PTPRD: variants seen among roughly 807,000 people sequenced by gnomAD.
PTPRD encodes the protein protein tyrosine phosphatase receptor type D, also known as receptor-type tyrosine-protein phosphatase delta.
A neutral mutation model predicts 214.5 loss-of-function variants in PTPRD; 34 were observed. The ratio of observed to expected loss-of-function variants is 0.16; its 90% CI spans 0.12 to 0.21. The LOEUF (loss-of-function observed/expected upper bound fraction) is 0.21. Ranked by LOEUF, PTPRD falls within the 10% of genes least tolerant of loss-of-function variation. The probability of loss-of-function intolerance (pLI) is 1.00; values close to 1 mark genes in which losing one functional copy is unlikely to be tolerated. For synonymous variants in PTPRD, 1,128 were observed against 845.7 expected, an observed-to-expected ratio of 1.33 and a Z score of -5.79; for missense variants, 2,545 against 2,398.7, an observed-to-expected ratio of 1.06 and a Z score of -1.27.
chr9:8,510,403 C>A (rs926786447), intron 21 of PTPRD, among the ~76,000 whole-genome samples: 1 of 152,160 alleles, frequency 6.6e-6, no homozygotes, highest in Non-Finnish European at 1.5e-5. Context: ...GGGCCTGGGG[C>A]CCGGTGGAGA....
At chr9:10,154,418 A>G (rs1267414195) in intron 3 of PTPRD, among the ~76,000 whole-genome samples, 1 of 151,968 alleles carries the variant, frequency 6.6e-6, no homozygotes, top group African/African-American at 2.4e-5. Context: ...TCTGTAGGTT[A>G]TCTGTTTATG....
At chr9:9,548,343 G>A (rs996990180) in intron 8 of PTPRD, among the ~76,000 whole-genome samples, 3 of 150,768 alleles carry the variant, frequency 2.0e-5, no homozygotes, top group African/African-American at 7.3e-5. Flanking sequence ...AAAGGGCAAA[G>A]ATTGCCAGAG....
At chr9:9,961,335 G>C (rs189336600) in intron 4 of PTPRD, among the ~76,000 whole-genome samples, 2 of 152,190 alleles carry the variant, frequency 1.3e-5, no homozygotes, top group East Asian at 1.9e-4. Flanking sequence ...CCTTGTTTGA[G>C]AAACAATAGG....
intron 11 of PTPRD, among the ~76,000 whole-genome samples, chr9:8,821,695 T>C (rs536067872): frequency 9.8e-4 from 150 of 152,328 alleles, no homozygotes; most frequent in African/African-American, 3.6e-3. Flanking sequence ...AAACAGAGTC[T>C]CGCTCTGTTG....
Position 10,010,513 on chromosome 9 carries a change from T to C in PTPRD, c.-472+23205A>G, listed in dbSNP as rs566617841. Among the ~76,000 whole-genome samples the C allele has an allele frequency of 5.3e-5, 8 of 151,890 alleles. No individual in the cohort carries two copies. In the South Asian group the frequency reaches 8.3e-4, roughly 16 times the overall value. On this transcript the variant is annotated intron_variant, in intron 4 of 45. Coordinates refer to ENST00000381196, the MANE Select transcript of PTPRD (RefSeq NM_002839.4). ...AAATGAGGGAGGACTTATTCAGGTA[T>C]TGATGAGTTCCATAGGATGAGTTCC...
intron 2 of PTPRD, among the ~76,000 whole-genome samples, chr9:10,363,429 C>A (rs987724320): frequency 6.6e-6 from 1 of 152,190 alleles, no homozygotes; most frequent in Non-Finnish European, 1.5e-5. Flanking sequence ...TTTTCACTGT[C>A]GCCATTATTT....
chr9:10,491,996 G>A (rs1168284837), intron 2 of PTPRD, among the ~76,000 whole-genome samples: 1 of 152,122 alleles, frequency 6.6e-6, no homozygotes, highest in Non-Finnish European at 1.5e-5. Context: ...AGTTTGCTGA[G>A]AATGATGGTT....
At chr9:10,246,233 A>G (rs573142321) in intron 3 of PTPRD, among the ~76,000 whole-genome samples, 8 of 151,862 alleles carry the variant, frequency 5.3e-5, no homozygotes, top group Admixed American at 3.3e-4. Flanking sequence ...TACCAACTCG[A>G]TTGGCTATTT....
At chr9:8,924,309 T>C (rs927272165) in intron 11 of PTPRD, among the ~76,000 whole-genome samples, 18 of 152,202 alleles carry the variant, frequency 1.2e-4, no homozygotes, top group Non-Finnish European at 2.6e-4. Context: ...AATCAGGTAT[T>C]TATTGAATTC....
chr9:10,475,652 C>T (rs2099057919), intron 2 of PTPRD, among the ~76,000 whole-genome samples: 1 of 151,982 alleles, frequency 6.6e-6, no homozygotes, highest in Non-Finnish European at 1.5e-5. Flanking sequence ...ATCCTGATTC[C>T]AAAACCTGGC....
At chr9:8,707,033 CCAAT>C (rs1357743619) in intron 12 of PTPRD, among the ~76,000 whole-genome samples, 1 of 152,158 alleles carries the variant, frequency 6.6e-6, no homozygotes, top group African/African-American at 2.4e-5. Flanking sequence ...GGGATCAGCT[CCAAT>C]CAATTAATGA....
intron 2 of PTPRD, among the ~76,000 whole-genome samples, chr9:10,359,340 C>T (rs999156874): frequency 6.6e-6 from 1 of 151,960 alleles, no homozygotes; most frequent in African/African-American, 2.4e-5. Flanking sequence ...AAAACAGTTA[C>T]ATCTCTTCTC....
At position 10,220,427 on chromosome 9, in the gene PTPRD, G is replaced by A. The variant is rs1293580319; in HGVS notation, c.-545+120536C>T. Among the ~76,000 whole-genome samples, 31 of 151,770 alleles carry A rather than the reference G, an allele frequency of 2.0e-4. No individual in the cohort carries two copies. The Admixed American group carries it at 2.0e-3, about 10-fold the overall frequency. ...ACGTAACTTTACATAGTAGTTGGTG[G>A]AACCAAAAAGAATACCCAGGCAAGT... On this transcript the variant is annotated intron_variant, in intron 3 of 45. Transcript: ENST00000381196.
chr9:10,343,285 T>C (rs907326646), intron 2 of PTPRD, among the ~76,000 whole-genome samples: 2 of 152,118 alleles, frequency 1.3e-5, no homozygotes, highest in African/African-American at 2.4e-5. Context: ...GCTTCATCCA[T>C]GTCCCTGCAA....
chr9:9,974,373 G>A (rs1014459360), intron 4 of PTPRD, among the ~76,000 whole-genome samples: 1 of 152,098 alleles, frequency 6.6e-6, no homozygotes, highest in Non-Finnish European at 1.5e-5. Context: ...TGCTATTAAG[G>A]AAACTGCCCA....
intron 2 of PTPRD, among the ~76,000 whole-genome samples, chr9:10,403,078 T>G (rs2098297525): frequency 6.6e-6 from 1 of 151,194 alleles, no homozygotes; most frequent in African/African-American, 2.4e-5. Context: ...CATACCAATA[T>G]GTATTGCCAT....
At chr9:9,815,608 T>C (rs1380945281) in intron 5 of PTPRD, among the ~76,000 whole-genome samples, 5 of 152,150 alleles carry the variant, frequency 3.3e-5, no homozygotes, top group Non-Finnish European at 5.9e-5. Flanking sequence ...AATCCTTATA[T>C]GCTTCCATTA....
chr9:10,488,845 T>C (rs1465369905), intron 2 of PTPRD, among the ~76,000 whole-genome samples: 2 of 152,068 alleles, frequency 1.3e-5, no homozygotes, highest in African/African-American at 4.8e-5. Context: ...GGACTCATCT[T>C]TCAGGGCAGT....
At chr9:9,060,884 C>G (rs1204058664) in intron 10 of PTPRD, among the ~76,000 whole-genome samples, 1 of 152,106 alleles carries the variant, frequency 6.6e-6, no homozygotes, top group Non-Finnish European at 1.5e-5. Flanking sequence ...TCAGAATAGT[C>G]CTATGATAGA....
Sources: allele counts gnomAD v4.1 joint callset (sites outside exome capture counted in the v4.1 genomes callset), GRCh38; gene constraint gnomAD v4.1.1; transcripts MANE v1.5; gene names NCBI Gene and HGNC (gene_info 2026-07-23, HGNC 2026-07-21).